Variants in FAM107B observed in about 807,000 individuals in gnomAD.
FAM107B encodes the protein protein FAM107B.
FAM107B carries 21 observed loss-of-function variants against 31.5 expected under a neutral mutation model. The observed-to-expected ratio is 0.67, with a 90% CI of 0.47 to 0.96. The LOEUF is 0.96. Ranked by LOEUF, FAM107B falls within the 40% of genes least tolerant of loss-of-function variation. The pLI is 0.00. For synonymous variants in FAM107B, 157 were observed against 141.5 expected (o/e 1.11, Z -0.78); for missense variants, 452 against 377.1 (o/e 1.20, Z -1.64).
chr10:14,640,663 T>C (rs1410078862), intron 2 of FAM107B, among the ~76,000 whole-genome samples: 2 of 152,208 alleles, frequency 1.3e-5, no homozygotes, highest in African/African-American at 4.8e-5. Context: ...GCATAAATCC[T>C]AGTTAATATC....
chr10:14,653,831 T>C (rs1379508154), intron 2 of FAM107B: 3 of 152,138 alleles, frequency 2.0e-5, no homozygotes, highest in African/African-American at 7.2e-5. Flanking sequence ...CCTGTTTCCA[T>C]AGCAATGACC....
At chr10:14,609,631 C>A (rs769938309) in intron 2 of FAM107B, among the ~76,000 whole-genome samples, 4 of 152,188 alleles carry the variant, frequency 2.6e-5, no homozygotes, top group Non-Finnish European at 5.9e-5. Flanking sequence ...AGGTCAGGCA[C>A]ACCCAGATCA....
At position 14,628,112 on chromosome 10, in the gene FAM107B, G is replaced by GGTTTTTTTTGTTTTTTTTTTTTTTTT. The variant is rs1440347763; in HGVS notation, c.469+39521_469+39522insAAAAAAAAAAAAAAAACAAAAAAAAC. 1.3e-4 allele frequency among the ~76,000 whole-genome samples: 12 copies of GGTTTTTTTTGTTTTTTTTTTTTTTTT among 92,686 alleles called. No individual in the cohort carries two copies. In the East Asian group the frequency reaches 3.1e-3, roughly 24 times the overall value. The allele number at this position is 92,686 out of a possible 152,430, so 60.8% of individuals were successfully genotyped here. On this transcript the variant is annotated intron_variant, in intron 2 of 4. Transcript: ENST00000181796. ...TCCTTGTTTGTTTTTTGTTTTGCTG[G>GGTTTTTTTTGTTTTTTTTTTTTTTTT]TTTTTTTTTTTTTTTTTTTTTGAGA...
At chr10:14,700,694 T>C (rs942511073) in intron 1 of FAM107B, among the ~76,000 whole-genome samples, 3 of 152,074 alleles carry the variant, frequency 2.0e-5, no homozygotes, top group African/African-American at 4.8e-5. Flanking sequence ...TGATGCTTTT[T>C]TCCCCCAGAT....
intron 1 of FAM107B, among the ~76,000 whole-genome samples, chr10:14,686,968 T>C (rs1855004301): frequency 6.6e-6 from 1 of 152,214 alleles, no homozygotes; most frequent in Non-Finnish European, 1.5e-5. Context: ...CTTATTTAAT[T>C]ACAGTCATGT....
At position 14,774,425 on chromosome 10, in the gene FAM107B, C is replaced by T. The variant is rs139247598; in HGVS notation, c.239G>A (p.Ser80Asn). The T allele has an allele frequency of 6.1e-5, 99 of 1,614,220 alleles. No homozygotes were observed. The African/African-American group carries it at 1.1e-3, about 18-fold the overall frequency. ...ACTGCCATTTCTCTCTGCATGGGTG[C>T]TCGAATCTTGCCTTTTCTCTGGAGC... ...EGAPEKRQDS[S>N]THAERNGSAN... is the part of the protein sequence containing the mutation. The change falls in exon 1 of 5, where the codon AGC (serine) becomes AAC (asparagine). Residue 80 changes from serine (S) to asparagine (N), a missense_variant. Ser to Asn is a conservative substitution (Grantham distance 46, BLOSUM62 1). Transcript: ENST00000181796.
chr10:14,563,962 T>C (rs2131196308), intron 2 of FAM107B, among the ~76,000 whole-genome samples: 1 of 139,176 alleles, frequency 7.2e-6, no homozygotes. Context: ...ATTCATCTCA[T>C]ACTTTTTTTT....
At chr10:14,543,246 G>GA (rs1428254589) in intron 2 of FAM107B, among the ~76,000 whole-genome samples, 1 of 152,020 alleles carries the variant, frequency 6.6e-6, no homozygotes, top group Non-Finnish European at 1.5e-5. Flanking sequence ...CTTTTTAAAA[G>GA]AAATAACCCG....
At chr10:14,558,660 T>C (rs565739214) in intron 2 of FAM107B, among the ~76,000 whole-genome samples, 5 of 152,136 alleles carry the variant, frequency 3.3e-5, no homozygotes, top group African/African-American at 1.2e-4. Flanking sequence ...ACTGTGCCTC[T>C]GGTGAACGCA....
chr10:14,633,378 A>G (rs901441325), intron 2 of FAM107B, among the ~76,000 whole-genome samples: 1 of 152,196 alleles, frequency 6.6e-6, no homozygotes, highest in Non-Finnish European at 1.5e-5. Context: ...TTCAAATACC[A>G]CTATACAAGA....
At chr10:14,725,020 A>T (rs866498463) in intron 1 of FAM107B, among the ~76,000 whole-genome samples, 5 of 152,268 alleles carry the variant, frequency 3.3e-5, no homozygotes, top group East Asian at 3.8e-4. Context: ...TAAATGAAAT[A>T]GAAACATATG....
chr10:14,742,111 T>C (rs184570722), intron 1 of FAM107B, among the ~76,000 whole-genome samples: 350 of 152,056 alleles, frequency 2.3e-3, no homozygotes, highest in African/African-American at 7.7e-3. Context: ...GGATTTTTGT[T>C]TGTTTTTTGT....
chr10:14,638,905 CT>C (rs1224654917), intron 2 of FAM107B, among the ~76,000 whole-genome samples: 1 of 152,128 alleles, frequency 6.6e-6, no homozygotes, highest in Non-Finnish European at 1.5e-5. Context: ...ATTTCACCTA[CT>C]TTGTCCAGGC....
intron 1 of FAM107B, among the ~76,000 whole-genome samples, chr10:14,668,515 T>C (rs2131474370): frequency 6.6e-6 from 1 of 152,342 alleles, no homozygotes; most frequent in South Asian, 2.1e-4. Flanking sequence ...TGAGTCCTGG[T>C]ATGATATTCT....
At chr10:14,627,030 G>C (rs375187066) in intron 2 of FAM107B, among the ~76,000 whole-genome samples, 1 of 151,892 alleles carries the variant, frequency 6.6e-6, no homozygotes, top group Non-Finnish European at 1.5e-5. Flanking sequence ...TTACCTCTCC[G>C]GATGCTCTTA....
chr10:14,770,039 C>T (rs145810781), intron 1 of FAM107B, among the ~76,000 whole-genome samples: 77 of 152,216 alleles, frequency 5.1e-4, no homozygotes, highest in Middle Eastern at 3.4e-3. Flanking sequence ...CATGGAGTGC[C>T]GTCCTGTGTT....
chr10:14,559,113 A>AC (rs1564565768), intron 2 of FAM107B, among the ~76,000 whole-genome samples: 38 of 69,020 alleles, frequency 5.5e-4, no homozygotes, highest in African/African-American at 1.3e-3. Flanking sequence ...AAAAAAAAAA[A>AC]AAAACAAAAA....
intron 3 of FAM107B, among the ~76,000 whole-genome samples, chr10:14,525,388 A>G (rs897498293): frequency 6.6e-6 from 1 of 152,180 alleles, no homozygotes; most frequent in Non-Finnish European, 1.5e-5. Flanking sequence ...AAAACTATAA[A>G]ATTAATAAGT....
chr10:14,555,323 T>C (rs762789948), intron 2 of FAM107B, among the ~76,000 whole-genome samples: 7 of 152,174 alleles, frequency 4.6e-5, no homozygotes, highest in South Asian at 2.1e-4. Flanking sequence ...AGGAAAAACA[T>C]TGATTATAAA....
Sources: gnomAD v4.1 joint callset for allele counts (sites outside exome capture counted in the v4.1 genomes callset) on GRCh38, gnomAD v4.1.1 for gene constraint, MANE v1.5 for transcripts, NCBI Gene and HGNC (gene_info 2026-07-23, HGNC 2026-07-21) for gene names.